Variants in TTC9 observed in about 807,000 individuals in gnomAD.
The protein encoded by TTC9 is tetratricopeptide repeat protein 9A.
Under a neutral mutation model 22.9 loss-of-function variants are expected in TTC9, and 13 were observed. The ratio of observed to expected loss-of-function variants is 0.57; its 90% confidence interval spans 0.37 to 0.90. The LOEUF is 0.90. Ranked by LOEUF, TTC9 falls within the 40% of genes least tolerant of loss-of-function variation. TTC9 has a pLI of 0.01. For synonymous variants in TTC9, 148 were observed against 133.2 expected, an observed-to-expected ratio of 1.11 and a Z score of -0.77; for missense variants, 280 against 291.8, an observed-to-expected ratio of 0.96 and a Z score of 0.29.
rs778928308 is a variant in TTC9, at chr14:70,671,076, A to G, written c.590A>G (p.Asp197Gly). ...LKEARTQQPTDTNVIRYIQLT... is the reference protein window; with the variant it reads ...LKEARTQQPTGTNVIRYIQLT... ...CTAAGGTTTATTTCTCTCCTCACAG[A>G]CACCAACGTGATTCGGTATATCCAG... The change falls in exon 3 of 3, where the codon GAC becomes GGC. Residue 197 changes from aspartate to glycine, a missense_variant and splice_region_variant. Asp to Gly is a moderately conservative substitution (Grantham distance 94, BLOSUM62 -1). This residue lies in a region of TTC9 where 39 missense variants were observed against 67.4 expected (regional missense o/e 0.58). Transcript: ENST00000256367. 1 of 1,613,460 alleles carries G rather than the reference A, an allele frequency of 6.2e-7. No homozygotes were observed. The highest frequency in any genetic ancestry group is 1.3e-5 in the African/African-American group (1 of 75,024).
In TTC9 at chr14:70,674,275, T is replaced by C. The variant is rs1886338139; in HGVS notation, c.*3120T>C. The C allele has an allele frequency of 6.6e-6, 1 of 152,144 alleles. No individual in the cohort carries two copies. The highest frequency in any genetic ancestry group is 1.5e-5 in the Non-Finnish European group (1 of 68,024). The allele number at this position is 152,144 out of a possible 1,614,324, so 9.4% of individuals were successfully genotyped here. ...TCTTTGGGGGAAAAACTAACGCTTT[T>C]TAATTATTGTGAAAGCATCATGTGT... is the stretch of plus-strand genomic sequence containing the variant. On this transcript the variant is annotated 3_prime_UTR_variant, in exon 3 of 3. Coordinates refer to ENST00000256367, the MANE Select transcript of TTC9 (RefSeq NM_015351.2).
chr14:70,647,589 G>T (rs1051364469), intron 1 of TTC9, among the ~76,000 whole-genome samples: 4 of 152,136 alleles, frequency 2.6e-5, no homozygotes, highest in African/African-American at 9.7e-5. Flanking sequence ...TTAGTTATGG[G>T]CATAATTAAG....
intron 1 of TTC9, among the ~76,000 whole-genome samples, chr14:70,655,467 A>G (rs10135311): frequency 0.38 from 57,073 of 151,874 alleles, 11,081 homozygotes; most frequent in African/African-American, 0.42. Context: ...AGATGACAAC[A>G]GTTAACCGTT....
At chr14:70,650,813 C>T (rs1885973766) in intron 1 of TTC9, among the ~76,000 whole-genome samples, 1 of 138,984 alleles carries the variant, frequency 7.2e-6, no homozygotes, top group Admixed American at 7.5e-5. Flanking sequence ...GTAGAACAGT[C>T]TTTAATATGA....
At chr14:70,671,024 G>T in intron 2 of TTC9, 52 bp from the exon 3 acceptor site, 1 of 1,547,306 alleles carries the variant, frequency 6.5e-7, no homozygotes. Flanking sequence ...CCTTGTAAAT[G>T]TGATAGTTGC....
intron 1 of TTC9, among the ~76,000 whole-genome samples, chr14:70,658,950 G>A (rs188329762): frequency 1.0e-3 from 158 of 152,266 alleles, no homozygotes; most frequent in African/African-American, 3.7e-3. Flanking sequence ...TGTAAAAAGC[G>A]CCTTCCAAAG....
At chr14:70,667,908 C>T (rs1247919936) in intron 2 of TTC9, among the ~76,000 whole-genome samples, 162 bp downstream of exon 2, 1 of 152,152 alleles carries the variant, frequency 6.6e-6, no homozygotes, top group Non-Finnish European at 1.5e-5. Context: ...GCACACAGCC[C>T]ATGCATTTGC....
At chr14:70,648,208 G>A (rs1885930819) in intron 1 of TTC9, among the ~76,000 whole-genome samples, 1 of 152,138 alleles carries the variant, frequency 6.6e-6, no homozygotes, top group Non-Finnish European at 1.5e-5. Context: ...TTGTTGACCT[G>A]GGGCTGTTCC....
At chr14:70,646,377 C>T (rs896007477) in intron 1 of TTC9, among the ~76,000 whole-genome samples, 2 of 152,178 alleles carry the variant, frequency 1.3e-5, no homozygotes, top group African/African-American at 4.8e-5. Context: ...CTCTTCTTGA[C>T]ATTGAACAAG....
In TTC9 at chr14:70,672,181, T is replaced by A. The variant is rs955195160; in HGVS notation, c.*1026T>A. 2 of 152,220 alleles carry A rather than the reference T, an allele frequency of 1.3e-5. No individual in the cohort carries two copies. Among genetic ancestry groups the A allele is most frequent in the African/African-American group, 4.8e-5 (2 of 41,444 alleles). 9.4% of individuals were successfully genotyped at this position (152,220 alleles called of 1,614,324 possible). ...TGGCAGACAATGGTGGCTACAGCCT[T>A]TGTGCTTTTAAGAGTGGGCTGGGAT... On this transcript the variant is annotated 3_prime_UTR_variant, in exon 3 of 3. Coordinates refer to ENST00000256367, the MANE Select transcript of TTC9 (RefSeq NM_015351.2).
intron 1 of TTC9, among the ~76,000 whole-genome samples, chr14:70,654,845 G>A (rs925721558): frequency 2.0e-5 from 3 of 152,084 alleles, no homozygotes; most frequent in African/African-American, 7.2e-5. Context: ...AAAAATGGAA[G>A]CGAGGTACAG....
intron 1 of TTC9, among the ~76,000 whole-genome samples, chr14:70,649,502 C>G (rs1885950933): frequency 6.6e-6 from 1 of 152,194 alleles, no homozygotes. Context: ...AACCTTGGAA[C>G]AGTTAACATC....
At chr14:70,662,626 A>G (rs1886160398) in intron 1 of TTC9, among the ~76,000 whole-genome samples, 1 of 152,246 alleles carries the variant, frequency 6.6e-6, no homozygotes, top group Non-Finnish European at 1.5e-5. Context: ...AGAGGCTGTT[A>G]GATCTGAAAG....
intron 1 of TTC9, among the ~76,000 whole-genome samples, chr14:70,648,098 T>C (rs935640950): frequency 6.6e-6 from 1 of 152,044 alleles, no homozygotes; most frequent in Non-Finnish European, 1.5e-5. Context: ...ATTCCTAGGG[T>C]AAGGATTGGT....
intron 1 of TTC9, 47 bp downstream of exon 1, chr14:70,642,582 C>G (rs774307997): frequency 3.3e-6 from 5 of 1,497,138 alleles, no homozygotes; most frequent in East Asian, 2.5e-5. Context: ...TTCTTCGGCC[C>G]GGTCCCTCCG....
intron 1 of TTC9, among the ~76,000 whole-genome samples, chr14:70,664,887 C>T (rs889272117): frequency 1.3e-5 from 2 of 152,144 alleles, no homozygotes; most frequent in Admixed American, 1.3e-4. Context: ...CTTGCCTCCC[C>T]CAAAGTCTGA....
At chr14:70,661,363 C>G (rs1886142855) in intron 1 of TTC9, among the ~76,000 whole-genome samples, 1 of 152,190 alleles carries the variant, frequency 6.6e-6, no homozygotes, top group Admixed American at 6.5e-5. Context: ...TGTAACGTAT[C>G]CTGTACAAAT....
rs1326106426 is a variant in TTC9 at position 70,642,302 on chromosome 14, A to T, written c.173A>T (p.His58Leu). ...AEPAELIRRA[H>L]EFKSQGAQCY... ...CCGGCCGAGCTCATCCGACGAGCGC[A>T]CGAGTTCAAAAGCCAAGGGGCGCAG... Residue 58 changes from histidine to leucine, a missense_variant, in exon 1 of 3, where the codon CAC becomes CTC. Around this residue, in one of 5 missense-constraint regions of TTC9, gnomAD observed 165 missense variants for 145.4 expected, o/e 1.14. Coordinates refer to ENST00000256367, the MANE Select transcript of TTC9 (RefSeq NM_015351.2). 6.4e-7 allele frequency: 1 copy of T among 1,552,530 alleles called. No individual in the cohort carries two copies. The highest frequency in any genetic ancestry group is 8.7e-7 in the Non-Finnish European group (1 of 1,151,292).
chr14:70,660,013 C>T, intron 1 of TTC9, among the ~76,000 whole-genome samples: 1 of 152,214 alleles, frequency 6.6e-6, no homozygotes, highest in East Asian at 1.9e-4. Flanking sequence ...GTGCCTGGCC[C>T]ATTCATGCTA....
Sources: gnomAD v4.1 joint callset for allele counts (sites outside exome capture counted in the v4.1 genomes callset) on GRCh38, gnomAD v4.1.1 for gene constraint, gnomAD v4.1.1 regional missense constraint, MANE v1.5 for transcripts, NCBI Gene and HGNC (gene_info 2026-07-23, HGNC 2026-07-21) for gene names.